RNF2: variants seen among roughly 807,000 people sequenced by gnomAD.
RNF2 encodes the protein ring finger protein 2, also known as E3 ubiquitin-protein ligase RING2.
RNF2 carries 6 observed loss-of-function variants against 37.2 expected under a neutral mutation model. That is an observed-to-expected ratio of 0.16 (90% CI 0.09 to 0.32). RNF2 has a LOEUF of 0.32. Ranked by LOEUF, RNF2 falls within the 10% of genes least tolerant of loss-of-function variation. The pLI is 1.00. For missense variants in RNF2, 251 were observed against 404.0 expected (o/e 0.62, Z 3.25); for synonymous variants, 133 against 132.7 (o/e 1.00, Z -0.02).
chr1:185,063,626 C>G (rs189337670), intron 1 of RNF2, among the ~76,000 whole-genome samples: 7 of 152,222 alleles, frequency 4.6e-5, no homozygotes, highest in Admixed American at 4.6e-4. Flanking sequence ...TGAAACAACA[C>G]AAACTTACTA....
intron 4 of RNF2, among the ~76,000 whole-genome samples, chr1:185,094,813 G>A (rs368972499): frequency 4.6e-5 from 7 of 151,998 alleles, no homozygotes; most frequent in African/African-American, 1.2e-4. Flanking sequence ...TGACATTATC[G>A]TCTGATTTAT....
chr1:185,099,976 A>T lies in RNF2; in HGVS notation c.909+14A>T. The T allele has an allele frequency of 6.3e-7, 1 of 1,599,386 alleles. No homozygotes were observed. The highest frequency in any genetic ancestry group is 1.1e-5 in the South Asian group (1 of 89,630). ...GGCCAGTTCACTGTGAGTATTTAAA[A>T]TAATAGACTGTTGAAACTGGGAGCA... On this transcript the variant is annotated intron_variant, in intron 6 of 6. Coordinates refer to ENST00000367510, the MANE Select transcript of RNF2 (RefSeq NM_007212.4).
In RNF2 at chr1:185,067,130, A is replaced by G. The variant is rs536120123; in HGVS notation, c.-2-20422A>G. Among the ~76,000 whole-genome samples the G allele has an allele frequency of 1.7e-3, 263 of 152,334 alleles. 3 individuals are homozygous for G. The highest frequency in any genetic ancestry group is 2.9e-4 in the Non-Finnish European group (20 of 68,028). On this transcript the variant is annotated intron_variant, in intron 1 of 6. Transcript: ENST00000367510. The stretch of plus-strand genomic sequence containing the variant: ...AGATACAATCAAATTAGGAATTGAT[A>G]TTGCTTCTTTAAATAAAGAAGCTAT...
At chr1:185,046,515 A>G (rs1650127347) in intron 1 of RNF2, among the ~76,000 whole-genome samples, 1 of 152,178 alleles carries the variant, frequency 6.6e-6, no homozygotes, top group African/African-American at 2.4e-5. Context: ...TTTGAGGTTC[A>G]TTCCAGTTAT....
intron 4 of RNF2, among the ~76,000 whole-genome samples, chr1:185,094,664 A>G (rs1053336699): frequency 6.6e-6 from 1 of 152,212 alleles, no homozygotes; most frequent in African/African-American, 2.4e-5. Context: ...ATTGAAAGGA[A>G]GATCATGGTT....
chr1:185,070,152 A>G (rs1328530930), intron 1 of RNF2, among the ~76,000 whole-genome samples: 1 of 152,214 alleles, frequency 6.6e-6, no homozygotes, highest in Non-Finnish European at 1.5e-5. Flanking sequence ...AGAAGATGAT[A>G]TCACCTAGTT....
chr1:185,075,493 A>G (rs1358418898), intron 1 of RNF2, among the ~76,000 whole-genome samples: 1 of 152,184 alleles, frequency 6.6e-6, no homozygotes, highest in Non-Finnish European at 1.5e-5. Flanking sequence ...GTGTTCTTGC[A>G]TTGCTGTGTA....
At chr1:185,082,526 T>G (rs1262368219) in intron 1 of RNF2, among the ~76,000 whole-genome samples, 1 of 122,494 alleles carries the variant, frequency 8.2e-6, no homozygotes, top group Non-Finnish European at 1.7e-5. Context: ...ATTTTTTTAT[T>G]TTTTTTTTAG....
In RNF2 at chr1:185,087,566, G is replaced by C; in HGVS notation, c.13G>C (p.Val5Leu). The C allele has an allele frequency of 6.2e-7, 1 of 1,614,028 alleles. No individual in the cohort carries two copies. Among genetic ancestry groups the C allele is most frequent in the Non-Finnish European group, 8.5e-7 (1 of 1,179,912 alleles). MSQA[V>L]QTNGTQPLSK... The stretch of plus-strand genomic sequence containing the variant: ...TTTATTTCCAGCAATGTCTCAGGCT[G>C]TGCAGACAAACGGAACTCAACCATT... Residue 5 changes from valine to leucine, a missense_variant, in exon 2 of 7, where the codon GTG becomes CTG. By Grantham distance (32) the Val-to-Leu change is conservative (BLOSUM62 1). Around this residue, in one of 7 missense-constraint regions of RNF2, gnomAD observed 43 missense variants for 82.7 expected, o/e 0.52. Coordinates refer to ENST00000367510, the MANE Select transcript of RNF2 (RefSeq NM_007212.4).
chr1:185,047,994 A>G (rs899125371), intron 1 of RNF2, among the ~76,000 whole-genome samples: 3 of 152,216 alleles, frequency 2.0e-5, no homozygotes, highest in Non-Finnish European at 2.9e-5. Context: ...CAAAGGTATA[A>G]TAGCATTTAC....
At chr1:185,073,097 T>C (rs555024276) in intron 1 of RNF2, among the ~76,000 whole-genome samples, 73 of 150,912 alleles carry the variant, frequency 4.8e-4, no homozygotes, top group Admixed American at 7.9e-4. Context: ...GTTGTATACA[T>C]ATATTGAGTT....
At chr1:185,057,981 C>G (rs967144318) in intron 1 of RNF2, among the ~76,000 whole-genome samples, 11 of 151,934 alleles carry the variant, frequency 7.2e-5, no homozygotes, top group Non-Finnish European at 1.5e-4. Context: ...AAAAATTAGC[C>G]GGGCTTGGTG....
At chr1:185,075,283 T>A (rs1247561788) in intron 1 of RNF2, among the ~76,000 whole-genome samples, 1 of 152,174 alleles carries the variant, frequency 6.6e-6, no homozygotes, top group Admixed American at 6.5e-5. Flanking sequence ...CATGAGCTAC[T>A]GTATTGTGTA....
chr1:185,070,720 G>A (rs1026552270), intron 1 of RNF2, among the ~76,000 whole-genome samples: 2 of 149,308 alleles, frequency 1.3e-5, no homozygotes, highest in African/African-American at 4.9e-5. Flanking sequence ...CTCACTGCAA[G>A]TTCCGCCTCC....
rs144399604 is a variant in RNF2 at position 185,095,481 on chromosome 1, CTG to C, written c.464+2207_464+2208del. The stretch of plus-strand genomic sequence containing the variant: ...AGTTCTCATCTTCCATTCTAGGACT[CTG>C]TAATTCCTTACCCTCCCTGCCTCAT... On this transcript the variant is annotated intron_variant, in intron 4 of 6. Transcript: ENST00000367510. Among the ~76,000 whole-genome samples the C allele has an allele frequency of 7.8e-3, 1,189 of 152,334 alleles. 14 individuals are homozygous for C. The highest frequency in any genetic ancestry group is 0.026 in the African/African-American group (1,085 of 41,576).
chr1:185,054,982 G>GAGCC (rs1291796122), intron 1 of RNF2, among the ~76,000 whole-genome samples: 1 of 152,232 alleles, frequency 6.6e-6, no homozygotes, highest in Non-Finnish European at 1.5e-5. Flanking sequence ...TTACAGGCAT[G>GAGCC]AGCCAATGCA....
chr1:185,092,163 T>TCTTTCCC (rs754219495), intron 3 of RNF2, among the ~76,000 whole-genome samples: 1 of 151,160 alleles, frequency 6.6e-6, no homozygotes, highest in Non-Finnish European at 1.5e-5. Flanking sequence ...TCCTTTTTCT[T>TCTTTCCC]CTTTCCCCTT....
At chr1:185,078,769 G>A (rs1348308514) in intron 1 of RNF2, among the ~76,000 whole-genome samples, 1 of 151,540 alleles carries the variant, frequency 6.6e-6, no homozygotes, top group Non-Finnish European at 1.5e-5. Flanking sequence ...AATTCGCCAG[G>A]CGTAGTGGCT....
At chr1:185,052,406 T>C (rs1235187138) in intron 1 of RNF2, among the ~76,000 whole-genome samples, 1 of 152,326 alleles carries the variant, frequency 6.6e-6, no homozygotes, top group Admixed American at 6.5e-5. Context: ...AATAAAGTAC[T>C]GACACATGTT....
Sources: allele counts gnomAD v4.1 joint callset (sites outside exome capture counted in the v4.1 genomes callset), GRCh38; gene constraint gnomAD v4.1.1; regional missense constraint gnomAD v4.1.1; transcripts MANE v1.5; gene names NCBI Gene and HGNC (gene_info 2026-07-23, HGNC 2026-07-21).